ANKS1B: variants seen among roughly 807,000 people sequenced by gnomAD.
ANKS1B encodes the protein ankyrin repeat and sterile alpha motif domain containing 1B.
A neutral mutation model predicts 148.3 loss-of-function variants in ANKS1B; 36 were observed. The observed-to-expected ratio is 0.24, with a 90% CI of 0.19 to 0.32. The LOEUF (loss-of-function observed/expected upper bound fraction) is 0.32. ANKS1B is among the 10% of genes least tolerant of loss of function. ANKS1B has a pLI of 1.00. For missense variants in ANKS1B, 1,157 were observed against 1,542.6 expected, an observed-to-expected ratio of 0.75 and a Z score of 4.19; for synonymous variants, 542 against 560.8, an observed-to-expected ratio of 0.97 and a Z score of 0.47.
At chr12:99,782,156 T>G in intron 4 of ANKS1B, 59 bp from the exon 5 acceptor site, 1 of 1,319,754 alleles carries the variant, frequency 7.6e-7, no homozygotes, top group Non-Finnish European at 1.0e-6. Flanking sequence ...GCTTACAGGT[T>G]GAAATAAAAT....
At chr12:98,936,102 T>C (rs1315579799) in intron 17 of ANKS1B, among the ~76,000 whole-genome samples, 1 of 152,236 alleles carries the variant, frequency 6.6e-6, no homozygotes, top group Non-Finnish European at 1.5e-5. Flanking sequence ...CAATTTATGG[T>C]ATTTTATTGT....
intron 12 of ANKS1B, among the ~76,000 whole-genome samples, chr12:99,381,995 G>A (rs912132958): frequency 2.0e-5 from 3 of 152,180 alleles, no homozygotes; most frequent in African/African-American, 7.2e-5. Context: ...GTCAGTAAAT[G>A]AGAATCTGTT....
Position 99,775,048 on chromosome 12 carries a change from G to A in ANKS1B, c.961+500C>T, listed in dbSNP as rs183173260. Among the ~76,000 whole-genome samples, 24 of 151,932 alleles carry A rather than the reference G, an allele frequency of 1.6e-4. No individual in the cohort carries two copies. The East Asian group carries it at 4.4e-3, about 28-fold the overall frequency. ...AAGGGTACAAAGGTTCAGTTATGGG[G>A]GATTAATAAATTCTGGAGATTTAAA... On this transcript the variant is annotated intron_variant, in intron 7 of 26. Transcript: ENST00000683438.
chr12:98,991,001 T>A (rs2099926291), intron 17 of ANKS1B, among the ~76,000 whole-genome samples: 1 of 152,164 alleles, frequency 6.6e-6, no homozygotes, highest in Non-Finnish European at 1.5e-5. Flanking sequence ...GAGGAGCAAT[T>A]CAAAAGGCTT....
intron 8 of ANKS1B, among the ~76,000 whole-genome samples, chr12:99,747,769 C>T (rs2060729754): frequency 6.6e-6 from 1 of 152,028 alleles, no homozygotes; most frequent in Admixed American, 6.6e-5. Flanking sequence ...CTTAACTAAG[C>T]CCTACCTTTC....
chr12:99,237,385 T>C (rs2088212785), intron 14 of ANKS1B, among the ~76,000 whole-genome samples: 1 of 152,148 alleles, frequency 6.6e-6, no homozygotes, highest in South Asian at 2.1e-4. Flanking sequence ...TTGGTGTCAA[T>C]ACTGAAGTAA....
intron 17 of ANKS1B, among the ~76,000 whole-genome samples, chr12:98,963,022 T>C (rs190394207): frequency 6.6e-6 from 1 of 151,818 alleles, no homozygotes; most frequent in Non-Finnish European, 1.5e-5. Flanking sequence ...AATGTAACAA[T>C]GCATCTTAAA....
intron 1 of ANKS1B, among the ~76,000 whole-genome samples, chr12:99,974,634 G>T (rs1302626250): frequency 1.3e-5 from 2 of 152,026 alleles, no homozygotes; most frequent in African/African-American, 4.8e-5. Flanking sequence ...AACTTTGGGA[G>T]GCCAAGTCAG....
At chr12:99,633,946 C>T (rs1313056493) in intron 9 of ANKS1B, among the ~76,000 whole-genome samples, 1 of 152,034 alleles carries the variant, frequency 6.6e-6, no homozygotes, top group Admixed American at 6.6e-5. Flanking sequence ...ATGTAGGTAG[C>T]TTGTTTTGAT....
At chr12:99,831,230 C>CAA (rs546884271) in intron 1 of ANKS1B, among the ~76,000 whole-genome samples, 97 of 83,910 alleles carry the variant, frequency 1.2e-3, no homozygotes, top group African/African-American at 3.4e-3. Context: ...TCAAAGAAAG[C>CAA]AAAAAAAAAA....
At chr12:99,579,196 A>C (rs1273380976) in intron 9 of ANKS1B, among the ~76,000 whole-genome samples, 1 of 152,172 alleles carries the variant, frequency 6.6e-6, no homozygotes, top group Non-Finnish European at 1.5e-5. Flanking sequence ...ACAAAAGTCA[A>C]CTCGAGTTGG....
At chr12:99,767,875 A>G (rs2062804455) in intron 8 of ANKS1B, among the ~76,000 whole-genome samples, 1 of 152,140 alleles carries the variant, frequency 6.6e-6, no homozygotes, top group Admixed American at 6.5e-5. Context: ...TTTTTAACTT[A>G]TATTAGTAAA....
intron 10 of ANKS1B, among the ~76,000 whole-genome samples, chr12:99,469,487 A>T (rs565655978): frequency 2.3e-4 from 35 of 152,170 alleles, no homozygotes; most frequent in Non-Finnish European, 3.7e-4. Flanking sequence ...CTTTTACCTC[A>T]TTATGATTTC....
chr12:99,235,866 A>G (rs1163247590), intron 14 of ANKS1B, among the ~76,000 whole-genome samples: 1 of 152,194 alleles, frequency 6.6e-6, no homozygotes, highest in African/African-American at 2.4e-5. Context: ...AGGTACTCCT[A>G]CCAGGGTGTC....
At chr12:98,816,451 A>C (rs2099141315) in intron 19 of ANKS1B, among the ~76,000 whole-genome samples, 1 of 152,030 alleles carries the variant, frequency 6.6e-6, no homozygotes, top group African/African-American at 2.4e-5. Context: ...GTGCACCACT[A>C]CACCTGGCTA....
chr12:99,126,813 C>G (rs1185551118), intron 15 of ANKS1B, among the ~76,000 whole-genome samples: 1 of 152,132 alleles, frequency 6.6e-6, no homozygotes, highest in Non-Finnish European at 1.5e-5. Context: ...TCTACATGAT[C>G]TCTATATTCC....
chr12:99,177,379 G>A (rs1388365611), intron 14 of ANKS1B, among the ~76,000 whole-genome samples: 1 of 152,154 alleles, frequency 6.6e-6, no homozygotes, highest in Non-Finnish European at 1.5e-5. Context: ...TGGAGGATGA[G>A]CAGAACAGTT....
At position 99,909,550 on chromosome 12, in the gene ANKS1B, T is replaced by C. The variant is rs2093924938; in HGVS notation, c.134+74554A>G. On this transcript the variant is annotated intron_variant, in intron 1 of 26. Transcript: ENST00000683438. ...CCACAGTCTCACCAACACATCTCTT[T>C]TTGGTTTATTTCTGAACTCTCTATT... Among the ~76,000 whole-genome samples the C allele has an allele frequency of 3.3e-5, 5 of 152,266 alleles. No homozygotes were observed. The South Asian group carries it at 1.0e-3, about 32-fold the overall frequency.
chr12:99,364,272 T>C (rs2092648277), intron 12 of ANKS1B, among the ~76,000 whole-genome samples: 1 of 135,864 alleles, frequency 7.4e-6, no homozygotes, highest in Admixed American at 7.1e-5. Flanking sequence ...AAGCAGTATA[T>C]ATATATTTGT....
Sources: gnomAD v4.1 joint callset for allele counts (sites outside exome capture counted in the v4.1 genomes callset) on GRCh38, gnomAD v4.1.1 for gene constraint, MANE v1.5 for transcripts, NCBI Gene and HGNC (gene_info 2026-07-23, HGNC 2026-07-21) for gene names.